Variants in CADM1 observed in about 807,000 individuals in gnomAD.
CADM1 encodes cell adhesion molecule 1, also known as TSLC-1.
CADM1 carries 15 observed loss-of-function variants against 53.1 expected under a neutral mutation model. The observed-to-expected ratio is 0.28, with a 90% CI of 0.19 to 0.44. CADM1 has a LOEUF of 0.44. CADM1 is among the 20% of genes least tolerant of loss of function. The probability of loss-of-function intolerance (pLI) is 1.00; values close to 1 mark genes in which losing one functional copy is unlikely to be tolerated. For synonymous variants in CADM1, 281 were observed against 243.0 expected, an observed-to-expected ratio of 1.16 and a Z score of -1.45; for missense variants, 434 against 611.3, an observed-to-expected ratio of 0.71 and a Z score of 3.06.
chr11:115,182,372 T>C (rs1367882459), intron 10 of CADM1, among the ~76,000 whole-genome samples: 2 of 152,218 alleles, frequency 1.3e-5, no homozygotes, highest in African/African-American at 4.8e-5. Flanking sequence ...GTAACAAGTG[T>C]AAGAGTGTTT....
At chr11:115,489,995 C>G (rs1322609972) in intron 1 of CADM1, among the ~76,000 whole-genome samples, 1 of 152,084 alleles carries the variant, frequency 6.6e-6, no homozygotes, top group African/African-American at 2.4e-5. Flanking sequence ...GTGTGGAGAG[C>G]CGGCGAGGCC....
At chr11:115,467,374 G>T (rs117248553) in intron 1 of CADM1, among the ~76,000 whole-genome samples, 26 of 152,290 alleles carry the variant, frequency 1.7e-4, no homozygotes, top group East Asian at 7.7e-4. Context: ...AGATAGAAAG[G>T]CTTGAAGGTG....
chr11:115,397,916 A>G (rs1947044276), intron 1 of CADM1, among the ~76,000 whole-genome samples: 1 of 152,186 alleles, frequency 6.6e-6, no homozygotes, highest in Non-Finnish European at 1.5e-5. Context: ...ATGCCACAGC[A>G]TCAAGTCTTC....
chr11:115,388,950 T>C (rs1303056970), intron 1 of CADM1, among the ~76,000 whole-genome samples: 6 of 152,258 alleles, frequency 3.9e-5, no homozygotes, highest in African/African-American at 7.2e-5. Context: ...GATAAAAGTA[T>C]TATGTCAATG....
chr11:115,429,199 A>G (rs560780824), intron 1 of CADM1, among the ~76,000 whole-genome samples: 1 of 152,316 alleles, frequency 6.6e-6, no homozygotes, highest in African/African-American at 2.4e-5. Context: ...AAAGAAACAG[A>G]AAAAAATGAT....
chr11:115,314,973 C>G (rs1439960835), intron 1 of CADM1, among the ~76,000 whole-genome samples: 1 of 152,122 alleles, frequency 6.6e-6, no homozygotes, highest in Non-Finnish European at 1.5e-5. Flanking sequence ...AAATTCCAAC[C>G]AAGCAACTGG....
chr11:115,416,808 T>A (rs1947611183), intron 1 of CADM1, among the ~76,000 whole-genome samples: 1 of 149,964 alleles, frequency 6.7e-6, no homozygotes, highest in Non-Finnish European at 1.5e-5. Flanking sequence ...AAAAGGAAAA[T>A]TAGAAAATGC....
At chr11:115,418,541 CATT>C (rs1947668830) in intron 1 of CADM1, among the ~76,000 whole-genome samples, 1 of 152,114 alleles carries the variant, frequency 6.6e-6, no homozygotes, top group Non-Finnish European at 1.5e-5. Context: ...TACTATTTCA[CATT>C]ATATATTTAA....
rs199751842 is a variant in CADM1, at chr11:115,490,721, T to C, written c.124+13550A>G. Among the ~76,000 whole-genome samples, 7 of 152,242 alleles carry C rather than the reference T, an allele frequency of 4.6e-5. No individual in the cohort carries two copies. The East Asian group carries it at 1.4e-3, about 29-fold the overall frequency. Reference sequence around the variant, plus strand: ...CCAGAACAGATGTGAAGTTCAGTTTTAGACGTCTTGAATTTTAGGAAAATG... The same window carrying C: ...CCAGAACAGATGTGAAGTTCAGTTTCAGACGTCTTGAATTTTAGGAAAATG... On this transcript the variant is annotated intron_variant, in intron 1 of 11. Transcript: ENST00000331581.
chr11:115,201,024 A>C (rs576471260), intron 8 of CADM1, among the ~76,000 whole-genome samples: 1 of 152,346 alleles, frequency 6.6e-6, no homozygotes, highest in East Asian at 1.9e-4. Context: ...AGGAAAATCC[A>C]CAGTGCATCT....
At chr11:115,503,940 G>A (rs982607867) in intron 1 of CADM1, among the ~76,000 whole-genome samples, 1 of 152,104 alleles carries the variant, frequency 6.6e-6, no homozygotes, top group African/African-American at 2.4e-5. Context: ...GGTTGAGGTT[G>A]TCTTTGAACC....
chr11:115,499,466 C>T (rs1001377445), intron 1 of CADM1, among the ~76,000 whole-genome samples: 2 of 152,254 alleles, frequency 1.3e-5, no homozygotes, highest in Non-Finnish European at 2.9e-5. Context: ...CTGGTCCTTT[C>T]TTCCCAGAGG....
intron 1 of CADM1, among the ~76,000 whole-genome samples, chr11:115,431,352 C>T (rs537148178): frequency 1.3e-5 from 2 of 152,190 alleles, no homozygotes; most frequent in East Asian, 3.9e-4. Flanking sequence ...TTCAATTCCA[C>T]CTACCTCTCC....
chr11:115,391,521 A>C (rs1361374041), intron 1 of CADM1, among the ~76,000 whole-genome samples: 1 of 152,242 alleles, frequency 6.6e-6, no homozygotes, highest in Non-Finnish European at 1.5e-5. Flanking sequence ...AAGAAGTAGA[A>C]ATAAAAGGAG....
rs545137795 is a variant in CADM1, at chr11:115,337,851, C to T, written c.125-97431G>A. Reference sequence around the variant, plus strand: ...ATAAAAATGTTATGAGAGGGTCATACTGATACGTCTAGTAATAAATCACCT... The same window carrying T: ...ATAAAAATGTTATGAGAGGGTCATATTGATACGTCTAGTAATAAATCACCT... On this transcript the variant is annotated intron_variant, in intron 1 of 11. Transcript: ENST00000331581. Among the ~76,000 whole-genome samples, 4 of 152,238 alleles carry T rather than the reference C, an allele frequency of 2.6e-5. No individual in the cohort carries two copies. In the South Asian group the frequency reaches 8.3e-4, roughly 32 times the overall value.
intron 1 of CADM1, among the ~76,000 whole-genome samples, chr11:115,256,559 T>C (rs563072651): frequency 4.9e-4 from 75 of 152,140 alleles, no homozygotes; most frequent in Non-Finnish European, 9.3e-4. Flanking sequence ...AACCAGAGAA[T>C]TCACCTCAGA....
rs1450548922 is a variant in CADM1, at chr11:115,295,518, A to ATG, written c.125-55099_125-55098insCA. Among the ~76,000 whole-genome samples the ATG allele has an allele frequency of 4.4e-3, 287 of 65,534 alleles. 1 individual carries two copies. Among genetic ancestry groups the ATG allele is most frequent in the Non-Finnish European group, 5.5e-3 (227 of 41,562 alleles). The allele number at this position is 65,534 out of a possible 152,430, so 43.0% of individuals were successfully genotyped here. The stretch of plus-strand genomic sequence containing the variant: ...TGATCAAGATATTTTATATATATAT[A>ATG]TATATATATATATATATATATATAT... On this transcript the variant is annotated intron_variant, in intron 1 of 11. Transcript: ENST00000331581.
At chr11:115,331,730 G>GAA (rs200310864) in intron 1 of CADM1, among the ~76,000 whole-genome samples, 1 of 151,464 alleles carries the variant, frequency 6.6e-6, no homozygotes, top group Non-Finnish European at 1.5e-5. Context: ...TACCTGTAAG[G>GAA]AAAAAAAATG....
rs1278980675 is a variant in CADM1, at chr11:115,172,503, G to A, written c.*3971C>T. 2.0e-5 allele frequency: 3 copies of A among 152,256 alleles called. No homozygotes were observed. Among genetic ancestry groups the A allele is most frequent in the Non-Finnish European group, 2.9e-5 (2 of 68,094 alleles). 9.4% of individuals were successfully genotyped at this position (152,256 alleles called of 1,614,324 possible). A position where few individuals can be genotyped will look rare whatever the true frequency, so the allele number is the denominator to read the frequency against. ...TGGGGTCCCAGCTCTTTGTGAAGCT[G>A]TCTAGGGACTCACCAGCCTTCACTG... On this transcript the variant is annotated 3_prime_UTR_variant, in exon 12 of 12. Coordinates refer to ENST00000331581, the MANE Select transcript of CADM1 (RefSeq NM_001301043.2).
Sources: gnomAD v4.1 joint callset for allele counts (sites outside exome capture counted in the v4.1 genomes callset) on GRCh38, gnomAD v4.1.1 for gene constraint, MANE v1.5 for transcripts, NCBI Gene and HGNC (gene_info 2026-07-23, HGNC 2026-07-21) for gene names.